ZNF385D: variants seen among roughly 807,000 people sequenced by gnomAD.
The protein encoded by ZNF385D is zinc finger protein 659.
A neutral mutation model predicts 35.8 loss-of-function variants in ZNF385D; 15 were observed. That is an observed-to-expected ratio of 0.42 (90% CI 0.28 to 0.64). ZNF385D has a LOEUF of 0.64. Among genes scored for constraint, ZNF385D ranks in the 30% least tolerant of loss-of-function variants. ZNF385D has a pLI of 0.23. For synonymous variants in ZNF385D, 212 were observed against 186.8 expected (o/e 1.13, Z -1.10); for missense variants, 474 against 494.6 (o/e 0.96, Z 0.39).
intron 2 of ZNF385D, among the ~76,000 whole-genome samples, chr3:22,323,361 G>A (rs761841467): frequency 3.9e-5 from 6 of 152,112 alleles, no homozygotes; most frequent in Non-Finnish European, 8.8e-5. Flanking sequence ...GCCCCACAAA[G>A]TTCATGATAG....
intron 2 of ZNF385D, among the ~76,000 whole-genome samples, chr3:22,367,472 T>A (rs1696707355): frequency 6.6e-6 from 1 of 152,194 alleles, no homozygotes; most frequent in Non-Finnish European, 1.5e-5. Flanking sequence ...TATAGCCACC[T>A]GATAACTCGG....
intron 2 of ZNF385D, among the ~76,000 whole-genome samples, chr3:22,245,029 G>A (rs549361721): frequency 6.6e-6 from 1 of 152,018 alleles, no homozygotes; most frequent in Non-Finnish European, 1.5e-5. Flanking sequence ...AGAGAAAGTA[G>A]AAAAATGACC....
intron 3 of ZNF385D, chr3:21,979,719 G>A (rs36046073): frequency 0.11 from 16,431 of 152,174 alleles, 1,198 homozygotes; most frequent in South Asian, 0.26. Flanking sequence ...AGAAGAATGA[G>A]GTCTTTGCAG....
At chr3:22,179,065 T>G (rs371634327) in intron 2 of ZNF385D, among the ~76,000 whole-genome samples, 3 of 152,118 alleles carry the variant, frequency 2.0e-5, no homozygotes, top group Non-Finnish European at 2.9e-5. Context: ...CTTGGCGATG[T>G]GGGCTCTTTT....
intron 3 of ZNF385D, among the ~76,000 whole-genome samples, chr3:21,827,212 T>G (rs1694697808): frequency 6.6e-6 from 1 of 152,134 alleles, no homozygotes; most frequent in South Asian, 2.1e-4. Context: ...ATGTCACACC[T>G]CCCTCAGGAA....
At chr3:22,088,230 G>A (rs972173230) in intron 3 of ZNF385D, among the ~76,000 whole-genome samples, 1 of 152,176 alleles carries the variant, frequency 6.6e-6, no homozygotes, top group Non-Finnish European at 1.5e-5. Flanking sequence ...ATGAGCAAAT[G>A]CTGAAGGAGA....
rs763737583 is a variant in ZNF385D, at chr3:21,975,833, G to A, written c.325+192984C>T. Among the ~76,000 whole-genome samples, 6 of 144,132 alleles carry A rather than the reference G, an allele frequency of 4.2e-5. 1 individual carries two copies. In the South Asian group the frequency reaches 8.6e-4, roughly 21 times the overall value. The allele number at this position is 144,132 out of a possible 152,430, so 94.6% of individuals were successfully genotyped here. A position where few individuals can be genotyped will look rare whatever the true frequency, so the allele number is the denominator to read the frequency against. ...CCCATGAAAATAAAAAAAAAATTAA[G>A]TGAGATTGGCAATCAATACCTGTTC... On this transcript the variant is annotated intron_variant, in intron 3 of 5. Coordinates refer to the ZNF385D transcript ENST00000494108.
At chr3:21,606,581 G>A in intron 2 of ZNF385D, among the ~76,000 whole-genome samples, 1 of 152,176 alleles carries the variant, frequency 6.6e-6, no homozygotes, top group Admixed American at 6.5e-5. Context: ...AATAAGAAGA[G>A]AACAGAGAAA....
intron 3 of ZNF385D, among the ~76,000 whole-genome samples, chr3:21,779,598 G>A (rs2071415464): frequency 1.3e-5 from 2 of 151,742 alleles, no homozygotes; most frequent in Admixed American, 1.3e-4. Flanking sequence ...ATACTTTTTT[G>A]ACTTGAGTTC....
intron 2 of ZNF385D, among the ~76,000 whole-genome samples, chr3:21,637,673 A>G (rs1279845282): frequency 6.6e-6 from 1 of 152,086 alleles, no homozygotes; most frequent in African/African-American, 2.4e-5. Flanking sequence ...ACCAGTCCAC[A>G]TTTGGCAAGT....
At chr3:21,703,323 G>A (rs1215236035) in intron 1 of ZNF385D, among the ~76,000 whole-genome samples, 1 of 152,024 alleles carries the variant, frequency 6.6e-6, no homozygotes, top group Non-Finnish European at 1.5e-5. Context: ...GCATGAGAAA[G>A]AACAGCCCCC....
chr3:22,194,098 G>A (rs539459017), intron 2 of ZNF385D, among the ~76,000 whole-genome samples: 10 of 151,810 alleles, frequency 6.6e-5, no homozygotes, highest in Admixed American at 1.3e-4. Context: ...CTTTACACAT[G>A]CATGAATGGT....
At chr3:21,535,390 C>T (rs1280800166) in intron 3 of ZNF385D, among the ~76,000 whole-genome samples, 1 of 151,216 alleles carries the variant, frequency 6.6e-6, no homozygotes, top group Non-Finnish European at 1.5e-5. Flanking sequence ...ATACTCAGTC[C>T]TGGTTATTAG....
chr3:21,663,478 G>A (rs2066298214), intron 2 of ZNF385D, among the ~76,000 whole-genome samples: 2 of 152,046 alleles, frequency 1.3e-5, no homozygotes, highest in Non-Finnish European at 2.9e-5. Context: ...TCCCCTGGGT[G>A]TCTGGGACAC....
intron 1 of ZNF385D, among the ~76,000 whole-genome samples, chr3:21,704,053 C>A (rs978143922): frequency 6.6e-6 from 1 of 152,182 alleles, no homozygotes; most frequent in Admixed American, 6.5e-5. Context: ...TGTTGTGCCC[C>A]TTTTTCATAT....
intron 3 of ZNF385D, among the ~76,000 whole-genome samples, chr3:22,108,261 C>T (rs1434363038): frequency 6.6e-6 from 1 of 152,102 alleles, no homozygotes; most frequent in Non-Finnish European, 1.5e-5. Context: ...CAACTTCTTA[C>T]TCATTTTAAT....
At position 21,764,559 on chromosome 3, in the gene ZNF385D, C is replaced by T. The variant is rs747163403; in HGVS notation, c.326-99531G>A. On this transcript the variant is annotated intron_variant, in intron 3 of 5. Coordinates refer to the ZNF385D transcript ENST00000494108. ...GCCAATGAAACATAGCAAGCAAGAA[C>T]GAAAAAGATATTTTGCATGGCTGGG... Among the ~76,000 whole-genome samples the T allele has an allele frequency of 1.2e-4, 18 of 152,230 alleles. No individual in the cohort carries two copies. The East Asian group carries it at 1.4e-3, about 11-fold the overall frequency.
chr3:21,868,144 A>G (rs940290514), intron 3 of ZNF385D, among the ~76,000 whole-genome samples: 11 of 152,070 alleles, frequency 7.2e-5, no homozygotes, highest in Admixed American at 2.0e-4. Flanking sequence ...GTTGGCAAAC[A>G]TTTTCTGTAG....
At chr3:21,956,745 C>T (rs1473486976) in intron 3 of ZNF385D, among the ~76,000 whole-genome samples, 4 of 151,632 alleles carry the variant, frequency 2.6e-5, no homozygotes. Context: ...ATGTAATAAG[C>T]CTGGTTTCAA....
Sources: gnomAD v4.1 joint callset for allele counts (sites outside exome capture counted in the v4.1 genomes callset) on GRCh38, gnomAD v4.1.1 for gene constraint, MANE v1.5 for transcripts, NCBI Gene and HGNC (gene_info 2026-07-23, HGNC 2026-07-21) for gene names.